The following ARHGEF11 variants were observed in gnomAD, a reference collection of about 807,000 sequenced individuals.
The protein encoded by ARHGEF11 is Rho guanine nucleotide exchange factor 11.
In ARHGEF11, 55 loss-of-function variants were observed where a neutral mutation model predicts 193.7. The ratio of observed to expected loss-of-function variants is 0.28; its 90% CI spans 0.23 to 0.36. The LOEUF (loss-of-function observed/expected upper bound fraction) is 0.36. Ranked by LOEUF, ARHGEF11 falls within the 10% of genes least tolerant of loss-of-function variation. ARHGEF11 has a pLI of 1.00. For missense variants in ARHGEF11, 1,723 were observed against 2,005.6 expected (o/e 0.86, Z 2.69); for synonymous variants, 693 against 768.0 (o/e 0.90, Z 1.62).
rs764104419 is a variant in ARHGEF11, at chr1:156,951,648, T to C, written c.1850A>G (p.Gln617Arg). Reference protein sequence around the residue: ...NIIQHFENNQQYDAPEPGTQR... With the variant: ...NIIQHFENNQRYDAPEPGTQR... Reference sequence around the variant, plus strand: ...TGTCCCAGGTTCTGGGGCATCATACTGCTGGTTGTTCTCAAAGTGCTGAAT... The same window carrying C: ...TGTCCCAGGTTCTGGGGCATCATACCGCTGGTTGTTCTCAAAGTGCTGAAT... The change falls in exon 22 of 41, where the codon CAG becomes CGG. Residue 617 changes from glutamine (Q) to arginine (R), a missense_variant. Around this residue, in one of 5 missense-constraint regions of ARHGEF11, gnomAD observed 491 missense variants for 654.5 expected, o/e 0.75. Coordinates refer to ENST00000368194, the MANE Select transcript of ARHGEF11 (RefSeq NM_198236.3). 2.5e-6 allele frequency: 4 copies of C among 1,614,234 alleles called. No individual in the cohort carries two copies. The highest frequency in any genetic ancestry group is 2.2e-5 in the East Asian group (1 of 44,890).
At chr1:157,037,492 T>C (rs1672187406) in intron 1 of ARHGEF11, among the ~76,000 whole-genome samples, 1 of 152,184 alleles carries the variant, frequency 6.6e-6, no homozygotes, top group Non-Finnish European at 1.5e-5. Flanking sequence ...ATCTTAACAC[T>C]TGGAGACCAC....
At chr1:156,936,270 C>T in intron 40 of ARHGEF11, 1 of 740,378 alleles carries the variant, frequency 1.4e-6, no homozygotes, top group Admixed American at 1.7e-5. Flanking sequence ...AGGTATGTGC[C>T]TTGTCTTCCT....
chr1:156,949,326 C>G (rs574803182), intron 22 of ARHGEF11, among the ~76,000 whole-genome samples: 2 of 152,144 alleles, frequency 1.3e-5, no homozygotes, highest in African/African-American at 4.8e-5. Context: ...ACCTCTGACC[C>G]CTAGCTGCCC....
intron 1 of ARHGEF11, among the ~76,000 whole-genome samples, chr1:157,003,855 CTA>C (rs1172082022): frequency 6.6e-6 from 1 of 152,204 alleles, no homozygotes; most frequent in Non-Finnish European, 1.5e-5. Context: ...GCAGAAGTAA[CTA>C]TTACACGGGA....
In ARHGEF11 at chr1:156,946,100, C is replaced by A. The variant is rs747828162; in HGVS notation, c.2757G>T (p.Met919Ile). 3 of 1,613,652 alleles carry A rather than the reference C, an allele frequency of 1.9e-6. No individual in the cohort carries two copies. In the East Asian group the frequency reaches 6.7e-5, roughly 36 times the overall value. Residue 919 changes from methionine (M) to isoleucine (I), a missense_variant, in exon 29 of 41, where the codon ATG becomes ATT. This residue lies in a region of ARHGEF11 where 491 missense variants were observed against 654.5 expected (regional missense o/e 0.75). Transcript: ENST00000368194. ...GCAGCGGGTACTTGGTGAGCCGCTG[C>A]ATCTCAGAGATGATGAGGTCTCTCA... is the stretch of plus-strand genomic sequence containing the variant. Reference protein sequence around the residue: ...LQLRDLIISEMQRLTKYPLLL... With the variant: ...LQLRDLIISEIQRLTKYPLLL...
intron 1 of ARHGEF11, among the ~76,000 whole-genome samples, chr1:156,987,060 A>G (rs551742340): frequency 6.6e-6 from 1 of 152,336 alleles, no homozygotes; most frequent in South Asian, 2.1e-4. Context: ...CTCCTCTTCA[A>G]CTAGGACCCT....
chr1:156,942,041 C>T (rs537462601), intron 33 of ARHGEF11, 52 bp from the exon 34 acceptor site: 536 of 1,612,382 alleles, frequency 3.3e-4, no homozygotes, highest in Middle Eastern at 1.6e-4. Context: ...GATAGCAGCA[C>T]GCACCACCCC....
chr1:156,956,375 A>G, intron 19 of ARHGEF11, 45 bp downstream of exon 19: 1 of 1,602,068 alleles, frequency 6.2e-7, no homozygotes, highest in Non-Finnish European at 8.5e-7. Flanking sequence ...TTGGCATTCC[A>G]AAGTACTAGG....
chr1:157,029,552 G>A (rs535109234), intron 1 of ARHGEF11, among the ~76,000 whole-genome samples: 10 of 152,272 alleles, frequency 6.6e-5, no homozygotes, highest in African/African-American at 9.6e-5. Flanking sequence ...GATTACAGGC[G>A]TGAGCCACTG....
chr1:156,982,407 T>C (rs1487233535), intron 3 of ARHGEF11, among the ~76,000 whole-genome samples: 1 of 152,214 alleles, frequency 6.6e-6, no homozygotes, highest in Non-Finnish European at 1.5e-5. Context: ...GAACACAGAC[T>C]ATACTTTGAC....
chr1:156,955,004 G>A, intron 20 of ARHGEF11, 83 bp from the exon 21 acceptor site: 1 of 1,277,376 alleles, frequency 7.8e-7, no homozygotes, highest in South Asian at 1.3e-5. Flanking sequence ...ATTACATCAA[G>A]CCAAAAAATT....
chr1:156,936,063 GGGA>G lies in ARHGEF11; in HGVS notation c.4631-8_4631-6del, dbSNP rs750766623. 6.2e-6 allele frequency: 10 copies of G among 1,614,050 alleles called. No homozygotes were observed. Among genetic ancestry groups the G allele is most frequent in the Admixed American group, 1.7e-5 (1 of 60,028 alleles). On this transcript the variant is annotated splice_region_variant and splice_polypyrimidine_tract_variant and intron_variant, in intron 40 of 40. Coordinates refer to ENST00000368194, the MANE Select transcript of ARHGEF11 (RefSeq NM_198236.3). ...CTTCCAGGGGGGCGTCAGAGCCTGT[GGGA>G]GGAGGATGAAGGTGAGGAACTGGCC...
chr1:156,996,642 G>A (rs187477452), intron 1 of ARHGEF11, among the ~76,000 whole-genome samples: 235 of 151,516 alleles, frequency 1.6e-3, no homozygotes, highest in Non-Finnish European at 3.1e-3. Context: ...GCGTGGTAGC[G>A]GGCGCCTGTA....
chr1:156,941,070 G>C (rs1426190731), intron 35 of ARHGEF11, among the ~76,000 whole-genome samples: 1 of 151,202 alleles, frequency 6.6e-6, no homozygotes, highest in Non-Finnish European at 1.5e-5. Context: ...CCTGGCTGGA[G>C]GATGCAGGGC....
Position 156,947,950 on chromosome 1 carries a change from A to G in ARHGEF11, c.2160T>C (p.Ile720=). The G allele has an allele frequency of 3.1e-6, 5 of 1,612,974 alleles. No homozygotes were observed. The highest frequency in any genetic ancestry group is 4.2e-6 in the Non-Finnish European group (5 of 1,179,114). The part of the protein sequence containing the change: ...PFTPKMGRRS[I]ESPSLGFCTD... ...TGCAGAACCCCAAACTGGGGGACTC[A>G]ATGCTCCTGGGGGAAAACAGGCAGC... is the stretch of plus-strand genomic sequence containing the variant. The change falls in exon 25 of 41, where the codon ATT becomes ATC. Residue 720 remains isoleucine, a synonymous_variant. Transcript: ENST00000368194.
At chr1:156,944,482 A>ATTC (rs78273201) in intron 30 of ARHGEF11, 49 bp from the exon 31 acceptor site, 9 of 1,437,360 alleles carry the variant, frequency 6.3e-6, no homozygotes, top group Non-Finnish European at 7.7e-6. Context: ...TCATTCATTC[A>ATTC]AGTGTTTGAG....
At chr1:156,970,820 T>G (rs1490690466) in intron 8 of ARHGEF11, among the ~76,000 whole-genome samples, 1 of 152,204 alleles carries the variant, frequency 6.6e-6, no homozygotes, top group Admixed American at 6.5e-5. Flanking sequence ...TCCTATGGAT[T>G]AATTAACTTG....
At chr1:157,005,026 A>T (rs963478193) in intron 1 of ARHGEF11, among the ~76,000 whole-genome samples, 1 of 152,166 alleles carries the variant, frequency 6.6e-6, no homozygotes, top group African/African-American at 2.4e-5. Flanking sequence ...GCTCCTTCTA[A>T]TCTTGGCTAA....
At position 156,939,880 on chromosome 1, in the gene ARHGEF11, C is replaced by A; in HGVS notation, c.3764G>T (p.Ser1255Ile). The A allele has an allele frequency of 6.2e-7, 1 of 1,608,620 alleles. No individual in the cohort carries two copies. Among genetic ancestry groups the A allele is most frequent in the Non-Finnish European group, 8.5e-7 (1 of 1,179,890 alleles). Residue 1255 changes from serine to isoleucine, a missense_variant, in exon 37 of 41, where the codon AGC becomes ATC. Coordinates refer to ENST00000368194, the MANE Select transcript of ARHGEF11 (RefSeq NM_198236.3). ...VENLRHLILW[S>I]LLPGHTMETQ... Reference sequence around the variant, plus strand: ...TTCCATGGTGTGACCTGGCAGCAGGCTCCACAGGATCAGATGTCGCAGGTT... The same window carrying A: ...TTCCATGGTGTGACCTGGCAGCAGGATCCACAGGATCAGATGTCGCAGGTT...
Sources: gnomAD v4.1 joint callset for allele counts (sites outside exome capture counted in the v4.1 genomes callset) on GRCh38, gnomAD v4.1.1 for gene constraint, gnomAD v4.1.1 regional missense constraint, MANE v1.5 for transcripts, NCBI Gene and HGNC (gene_info 2026-07-23, HGNC 2026-07-21) for gene names.